The following REC114 variants were observed in gnomAD, a reference collection of about 807,000 sequenced individuals.
The protein encoded by REC114 is meiotic recombination protein REC114.
A neutral mutation model predicts 31.3 loss-of-function variants in REC114; 27 were observed. The ratio of observed to expected loss-of-function variants is 0.86; its 90% CI spans 0.64 to 1.19. REC114 has a LOEUF of 1.19. REC114 is among the 50% of genes most tolerant of loss of function. The pLI, the probability that REC114 is intolerant of heterozygous loss-of-function variation, is 0.00. For missense variants in REC114, 344 were observed against 326.9 expected, an observed-to-expected ratio of 1.05 and a Z score of -0.40; for synonymous variants, 134 against 127.7, an observed-to-expected ratio of 1.05 and a Z score of -0.33.
chr15:73,448,594 G>A (rs1892800585), intron 1 of REC114, among the ~76,000 whole-genome samples: 1 of 152,222 alleles, frequency 6.6e-6, no homozygotes, highest in Non-Finnish European at 1.5e-5. Flanking sequence ...AAATGTCCCT[G>A]CCTGACAGCT....
chr15:73,510,263 G>T (rs1007244543), intron 2 of REC114, among the ~76,000 whole-genome samples: 5 of 152,162 alleles, frequency 3.3e-5, no homozygotes, highest in Admixed American at 2.6e-4. Context: ...TGGTGTATAA[G>T]AATGCTTGTG....
At chr15:73,481,345 A>G (rs1420684821) in intron 2 of REC114, among the ~76,000 whole-genome samples, 1 of 152,158 alleles carries the variant, frequency 6.6e-6, no homozygotes, top group Non-Finnish European at 1.5e-5. Context: ...TAGTAATACT[A>G]CAGATTTCCA....
intron 2 of REC114, among the ~76,000 whole-genome samples, chr15:73,474,399 A>G (rs1335532753): frequency 1.3e-5 from 2 of 152,228 alleles, no homozygotes; most frequent in Non-Finnish European, 2.9e-5. Flanking sequence ...AAATTTTGGA[A>G]TGAAGAAATA....
intron 2 of REC114, among the ~76,000 whole-genome samples, chr15:73,519,789 T>TA (rs748872994): frequency 3.9e-5 from 6 of 152,238 alleles, no homozygotes; most frequent in Non-Finnish European, 7.3e-5. Context: ...GGAATATTAT[T>TA]TATCCTTACA....
At chr15:73,545,766 G>A (rs1307818966) in intron 3 of REC114, among the ~76,000 whole-genome samples, 1 of 152,118 alleles carries the variant, frequency 6.6e-6, no homozygotes, top group Non-Finnish European at 1.5e-5. Flanking sequence ...CTGCTTGTAT[G>A]CTTAGTGTCT....
chr15:73,530,290 A>G (rs991254283), intron 2 of REC114, among the ~76,000 whole-genome samples: 3 of 152,332 alleles, frequency 2.0e-5, no homozygotes, highest in African/African-American at 7.2e-5. Context: ...AATTATTTCT[A>G]TCTATCTTAT....
intron 4 of REC114, among the ~76,000 whole-genome samples, chr15:73,552,663 T>A (rs1473653392): frequency 6.6e-6 from 1 of 152,244 alleles, no homozygotes; most frequent in Non-Finnish European, 1.5e-5. Flanking sequence ...ATTATTGGAA[T>A]AAGCACCTAC....
At chr15:73,506,227 T>G (rs1893674707) in intron 2 of REC114, among the ~76,000 whole-genome samples, 2 of 152,212 alleles carry the variant, frequency 1.3e-5, no homozygotes, top group African/African-American at 4.8e-5. Context: ...TTATCACATA[T>G]ATTTTCTAAT....
At chr15:73,514,449 C>G (rs538762103) in intron 2 of REC114, among the ~76,000 whole-genome samples, 3 of 152,166 alleles carry the variant, frequency 2.0e-5, no homozygotes. Flanking sequence ...TGTTCCTATT[C>G]GGCCATCTTG....
chr15:73,528,624 T>A (rs1894036613), intron 2 of REC114, among the ~76,000 whole-genome samples: 1 of 152,220 alleles, frequency 6.6e-6, no homozygotes, highest in African/African-American at 2.4e-5. Context: ...GTTTTTACAT[T>A]ATTAAATGGT....
At chr15:73,449,121 G>A (rs1392228195) in intron 1 of REC114, among the ~76,000 whole-genome samples, 2 of 152,092 alleles carry the variant, frequency 1.3e-5, no homozygotes, top group Non-Finnish European at 2.9e-5. Flanking sequence ...CGCCAGCAAG[G>A]GAACAAAACT....
At chr15:73,491,538 G>A (rs115337296) in intron 2 of REC114, among the ~76,000 whole-genome samples, 294 of 152,236 alleles carry the variant, frequency 1.9e-3, no homozygotes, top group African/African-American at 6.8e-3. Context: ...GAATTATTGG[G>A]TTGCCCAGTA....
intron 4 of REC114, among the ~76,000 whole-genome samples, chr15:73,552,439 T>A (rs1463862357): frequency 6.6e-6 from 1 of 152,232 alleles, no homozygotes; most frequent in East Asian, 1.9e-4. Flanking sequence ...CCATAAAATG[T>A]TTTCAACATT....
intron 1 of REC114, among the ~76,000 whole-genome samples, chr15:73,468,678 GTT>G (rs567083539): frequency 2.2e-5 from 3 of 138,328 alleles, no homozygotes; most frequent in Non-Finnish European, 1.6e-5. Context: ...GTTAGCTGTA[GTT>G]TTTTTTTTTT....
At chr15:73,465,696 TAATC>T (rs1019788245) in intron 1 of REC114, among the ~76,000 whole-genome samples, 4 of 152,216 alleles carry the variant, frequency 2.6e-5, no homozygotes, top group Admixed American at 6.5e-5. Flanking sequence ...TTTTCTGAAA[TAATC>T]AAGTTAAATG....
chr15:73,557,554 C>A (rs1482240590), intron 5 of REC114, among the ~76,000 whole-genome samples: 1 of 151,818 alleles, frequency 6.6e-6, no homozygotes, highest in Non-Finnish European at 1.5e-5. Flanking sequence ...TTTAATAAAC[C>A]CCTAACTATG....
chr15:73,480,461 T>A (rs567410163), intron 2 of REC114, among the ~76,000 whole-genome samples: 1 of 152,162 alleles, frequency 6.6e-6, no homozygotes, highest in African/African-American at 2.4e-5. Context: ...GTGATAAAAA[T>A]AAGAATACAT....
At chr15:73,518,058 AT>A (rs1893885648) in intron 2 of REC114, among the ~76,000 whole-genome samples, 1 of 152,236 alleles carries the variant, frequency 6.6e-6, no homozygotes. Context: ...TAAAAAACCA[AT>A]TTGTTAATTG....
intron 3 of REC114, 49 bp from the exon 4 acceptor site, chr15:73,550,889 T>A (rs759093761): frequency 6.4e-7 from 1 of 1,562,812 alleles, no homozygotes; most frequent in African/African-American, 1.4e-5. Flanking sequence ...CCAAAGTAAA[T>A]AGTTATATGA....
Sources: gnomAD v4.1 joint callset for allele counts (sites outside exome capture counted in the v4.1 genomes callset) on GRCh38, gnomAD v4.1.1 for gene constraint, MANE v1.5 for transcripts, NCBI Gene and HGNC (gene_info 2026-07-23, HGNC 2026-07-21) for gene names.